The following CTSC variants were observed in gnomAD, a reference collection of about 807,000 sequenced individuals.
CTSC encodes cathepsin C.
Under a neutral mutation model 40.9 loss-of-function variants are expected in CTSC, and 37 were observed. The ratio of observed to expected loss-of-function variants is 0.91; its 90% confidence interval spans 0.70 to 1.19. The LOEUF (loss-of-function observed/expected upper bound fraction) is 1.19, where lower values mean the gene tolerates loss of function less well. Ranked by LOEUF, CTSC falls within the 50% of genes most tolerant of loss-of-function variation. The pLI is 0.00. For missense variants in CTSC, 594 were observed against 567.3 expected, an observed-to-expected ratio of 1.05 and a Z score of -0.48; for synonymous variants, 232 against 207.4, an observed-to-expected ratio of 1.12 and a Z score of -1.02.
chr11:88,295,397 A>G (rs931842900), intron 6 of CTSC, among the ~76,000 whole-genome samples: 2 of 151,146 alleles, frequency 1.3e-5, no homozygotes, highest in Non-Finnish European at 1.5e-5. Context: ...TTTTTTTTTC[A>G]TAACAGGGCC....
chr11:88,300,480 A>G, intron 5 of CTSC, 50 bp downstream of exon 5: 1 of 1,125,392 alleles, frequency 8.9e-7, no homozygotes, highest in African/African-American at 1.5e-5. Context: ...GCAACTGTTC[A>G]ATAAATAGTT....
At chr11:88,325,413 T>C (rs1285919814) in intron 2 of CTSC, 1 of 985,312 alleles carries the variant, frequency 1.0e-6, no homozygotes, top group East Asian at 1.1e-4. Flanking sequence ...ATTAAACTAA[T>C]ATTCATGATG....
At position 88,301,835 on chromosome 11, in the gene CTSC, CAGAG is replaced by C. The variant is rs57004268; in HGVS notation, c.642-1194_642-1191del. 1.0e-3 allele frequency among the ~76,000 whole-genome samples: 158 copies of C among 150,688 alleles called. 1 individual carries two copies. Among genetic ancestry groups the C allele is most frequent in the Middle Eastern group, 6.9e-3 (2 of 290 alleles). On this transcript the variant is annotated intron_variant, in intron 4 of 6. Transcript: ENST00000227266. Reference sequence around the variant, plus strand: ...GCACACACACACACACACACACACACAGAGAGAGAACCACAGCTTTAGACACATT... The same window carrying C: ...GCACACACACACACACACACACACACAGAGAACCACAGCTTTAGACACATT...
intron 2 of CTSC, chr11:88,334,702 T>C (rs1938443202): frequency 4.4e-6 from 2 of 457,052 alleles, no homozygotes; most frequent in Non-Finnish European, 7.8e-6. Flanking sequence ...AAATGTAAAT[T>C]TTAAACATAA....
chr11:88,316,578 G>A (rs1466016518), intron 2 of CTSC, among the ~76,000 whole-genome samples: 2 of 150,884 alleles, frequency 1.3e-5, no homozygotes, highest in African/African-American at 4.9e-5. Flanking sequence ...TATTTTTCAC[G>A]ATAGTCTATC....
intron 1 of CTSC, among the ~76,000 whole-genome samples, chr11:88,336,111 C>T (rs2134829946): frequency 6.6e-6 from 1 of 152,084 alleles, no homozygotes; most frequent in East Asian, 1.9e-4. Flanking sequence ...TCAGCTGTGT[C>T]CATCTGGAGA....
intron 2 of CTSC, among the ~76,000 whole-genome samples, chr11:88,332,844 G>A (rs144412836): frequency 1.3e-4 from 20 of 152,276 alleles, no homozygotes; most frequent in African/African-American, 4.6e-4. Context: ...ATAAGGATTC[G>A]ATCAATGCCA....
At chr11:88,299,707 G>A (rs1288148009) in intron 5 of CTSC, 1 of 152,170 alleles carries the variant, frequency 6.6e-6, no homozygotes, top group East Asian at 1.9e-4. Flanking sequence ...TAATCAGAAT[G>A]TTTCCAGACA....
intron 6 of CTSC, 102 bp downstream of exon 6, chr11:88,296,031 C>T (rs943403778): frequency 1.9e-5 from 23 of 1,229,272 alleles, no homozygotes; most frequent in African/African-American, 3.0e-5. Context: ...TGACTATAGA[C>T]ACTGCGCTCT....
rs886048739 is a variant in CTSC at position 88,294,444 on chromosome 11, T to C, written c.954A>G (p.Glu318=). The part of the protein sequence containing the change: ...GKYAQDFGLV[E]EACFPYTGTD... ...TGCCTGTGTAGGGGAAGCAAGCTTC[T>C]TCCACCAGCCCAAAATCTTGGGCGT... The change falls in exon 7 of 7, where the codon GAA becomes GAG. Residue 318 remains glutamate, a synonymous_variant. Coordinates refer to ENST00000227266, the MANE Select transcript of CTSC (RefSeq NM_001814.6). 1 of 1,614,136 alleles carries C rather than the reference T, an allele frequency of 6.2e-7. No homozygotes were observed. The highest frequency in any genetic ancestry group is 2.2e-5 in the East Asian group (1 of 44,876).
Position 88,335,016 on chromosome 11 carries a change from T to G in CTSC, c.239A>C (p.Asn80Thr), listed in dbSNP as rs1015925457. 2 of 1,608,368 alleles carry G rather than the reference T, an allele frequency of 1.2e-6. No individual in the cohort carries two copies. The highest frequency in any genetic ancestry group is 1.3e-5 in the African/African-American group (1 of 74,722). Residue 80 changes from asparagine (N) to threonine (T), a missense_variant, in exon 2 of 7, where the codon AAT becomes ACT. Transcript: ENST00000227266. ...KLDTAYDDLG[N>T]SGHFTIIYNQ... ...GTAAATGATGGTGAAATGGCCAGAA[T>G]TGCCAAGGTCATCATATGCTGTATC...
intron 3 of CTSC, among the ~76,000 whole-genome samples, chr11:88,310,703 C>T (rs568661617): frequency 1.3e-5 from 2 of 152,262 alleles, no homozygotes; most frequent in South Asian, 4.1e-4. Context: ...GAGACGTACC[C>T]TTATCAAGCA....
At chr11:88,304,077 T>C (rs1337376181) in intron 4 of CTSC, among the ~76,000 whole-genome samples, 1 of 151,908 alleles carries the variant, frequency 6.6e-6, no homozygotes, top group African/African-American at 2.4e-5. Context: ...AACCTAAGAA[T>C]ATACTAATAT....
At position 88,337,678 on chromosome 11, in the gene CTSC, A is replaced by AG. The variant is rs1565269068; in HGVS notation, c.-7dup. On this transcript the variant is annotated 5_prime_UTR_variant, in exon 1 of 7. Transcript: ENST00000227266. ...AAGGAGGGCCCAGCACCCATGCTGC[A>AG]GGGAGCTGAGAAAAGAGGTGAAGAA... 1.3e-6 allele frequency: 2 copies of AG among 1,568,722 alleles called. No individual in the cohort carries two copies. The highest frequency in any genetic ancestry group is 1.2e-5 in the South Asian group (1 of 85,448).
intron 2 of CTSC, among the ~76,000 whole-genome samples, chr11:88,333,132 A>C (rs2134824617): frequency 6.6e-6 from 1 of 152,370 alleles, no homozygotes; most frequent in East Asian, 1.9e-4. Flanking sequence ...AACTGATGAA[A>C]AAATAATAAA....
At chr11:88,325,916 G>A in intron 2 of CTSC, 4 of 989,606 alleles carry the variant, frequency 4.0e-6, no homozygotes, top group Non-Finnish European at 4.8e-6. Context: ...CTTACAACAG[G>A]CTCTTGGGTT....
intron 2 of CTSC, among the ~76,000 whole-genome samples, chr11:88,333,021 C>T (rs747828530): frequency 6.6e-6 from 1 of 152,218 alleles, no homozygotes; most frequent in Non-Finnish European, 1.5e-5. Flanking sequence ...ACCAAATGTG[C>T]TTACACCGTG....
intron 1 of CTSC, among the ~76,000 whole-genome samples, chr11:88,337,101 TC>T (rs1938517006): frequency 6.6e-6 from 1 of 151,812 alleles, no homozygotes; most frequent in African/African-American, 2.4e-5. Flanking sequence ...TCCTCGAGAG[TC>T]TCTGAGCTCA....
chr11:88,315,948 G>A (rs1011396042), intron 2 of CTSC, among the ~76,000 whole-genome samples: 1 of 151,852 alleles, frequency 6.6e-6, no homozygotes, highest in African/African-American at 2.4e-5. Context: ...TAAATGGAGA[G>A]GAAAGGATTC....
Sources: gnomAD v4.1 joint callset for allele counts (sites outside exome capture counted in the v4.1 genomes callset) on GRCh38, gnomAD v4.1.1 for gene constraint, MANE v1.5 for transcripts, NCBI Gene and HGNC (gene_info 2026-07-23, HGNC 2026-07-21) for gene names.